The following ZNF397 variants were observed in gnomAD, a reference collection of about 807,000 sequenced individuals.
The protein encoded by ZNF397 is zinc finger protein 397.
ZNF397 carries 38 observed loss-of-function variants against 50.6 expected under a neutral mutation model. The observed-to-expected ratio is 0.75, with a 90% confidence interval of 0.58 to 0.98. ZNF397 has a LOEUF of 0.98. ZNF397 is among the 50% of genes least tolerant of loss of function. ZNF397 has a pLI of 0.00. For synonymous variants in ZNF397, 228 were observed against 215.2 expected, an observed-to-expected ratio of 1.06 and a Z score of -0.52; for missense variants, 624 against 624.1, an observed-to-expected ratio of 1.00 and a Z score of 0.00.
At chr18:35,243,050 C>T in intron 2 of ZNF397, 102 bp from the exon 3 acceptor site, 1 of 1,551,840 alleles carries the variant, frequency 6.4e-7, no homozygotes, top group South Asian at 1.2e-5. Context: ...TTCCCCTGTC[C>T]TTCATCCCTG....
chr18:35,258,231 GC>G, exon 6 of ZNF397: 1 of 493,796 alleles, frequency 2.0e-6, no homozygotes, highest in East Asian at 3.6e-5. Context: ...CCCAGTCAAG[GC>G]CATTCATGGC....
intron 3 of ZNF397, among the ~76,000 whole-genome samples, chr18:35,244,865 TGA>T (rs1912815213): frequency 6.6e-6 from 1 of 152,112 alleles, no homozygotes. Flanking sequence ...GAAATCACTA[TGA>T]GAGAGTGAGG....
downstream of ZNF397, chr18:35,253,317 A>G: frequency 1.6e-6 from 1 of 623,340 alleles, no homozygotes; most frequent in African/African-American, 1.8e-5. Flanking sequence ...CTTTGTGTGC[A>G]TGTCTTCTTA....
At chr18:35,243,758 C>T in intron 3 of ZNF397, 1 of 231,996 alleles carries the variant, frequency 4.3e-6, no homozygotes, top group South Asian at 7.6e-5. Flanking sequence ...AAGAGAAAGC[C>T]AGGTAAATAG....
At position 35,245,763 on chromosome 18, in the gene ZNF397, G is replaced by T. The variant is rs930186276; in HGVS notation, c.1058G>T (p.Ser353Ile). The part of the protein sequence containing the change: ...CSECGKAFNQ[S>I]SALIRHRKIH... ...GAATGTGGGAAAGCTTTCAATCAGA[G>T]CTCAGCCCTCATTAGACATCGGAAA... Residue 353 changes from serine (S) to isoleucine (I), a missense_variant, in exon 4 of 4, where the codon AGC becomes ATC. Transcript: ENST00000330501. The T allele has an allele frequency of 3.2e-6, 5 of 1,552,156 alleles. No individual in the cohort carries two copies. The highest frequency in any genetic ancestry group is 4.4e-6 in the Non-Finnish European group (5 of 1,147,180).
At chr18:35,256,667 G>C (rs1482839932) in intron 5 of ZNF397, among the ~76,000 whole-genome samples, 4 of 152,176 alleles carry the variant, frequency 2.6e-5, no homozygotes, top group Non-Finnish European at 4.4e-5. Context: ...TCAGGCTCAA[G>C]TCTGGAGGCT....
At chr18:35,257,585 C>T (rs1441870210) in intron 5 of ZNF397, 4 of 291,340 alleles carry the variant, frequency 1.4e-5, no homozygotes, top group Admixed American at 4.8e-5. Context: ...TTGAACTTCT[C>T]AGCCTCCAGA....
intron 1 of ZNF397, chr18:35,241,530 A>C (rs948751370): frequency 6.6e-6 from 1 of 152,252 alleles, no homozygotes; most frequent in Non-Finnish European, 1.5e-5. Flanking sequence ...TCCTAAAAGC[A>C]GGTCAAGTTT....
At position 35,246,256 on chromosome 18, in the gene ZNF397, T is replaced by G; in HGVS notation, c.1551T>G (p.Ala517=). ...EAYICNECGK[A]FRHRSVLMRH... ...ATATATGTAATGAATGTGGGAAGGC[T>G]TTCAGGCACAGATCGGTCCTTATGC... The change falls in exon 4 of 4, where the codon GCT becomes GCG. Residue 517 remains alanine (A), a synonymous_variant. Transcript: ENST00000330501. 1.9e-6 allele frequency: 3 copies of G among 1,552,182 alleles called. No individual in the cohort carries two copies. Among genetic ancestry groups the G allele is most frequent in the Non-Finnish European group, 2.6e-6 (3 of 1,147,090 alleles).
At chr18:35,245,115 G>C in intron 3 of ZNF397, 147 bp from the exon 4 acceptor site, 6 of 997,138 alleles carry the variant, frequency 6.0e-6, no homozygotes, top group Non-Finnish European at 5.6e-6. Context: ...TTAGATAAGA[G>C]AGACCCTCTT....
intron 3 of ZNF397, 196 bp downstream of exon 3, chr18:35,243,489 T>TATTC (rs1323643070): frequency 4.3e-6 from 3 of 690,942 alleles, no homozygotes; most frequent in South Asian, 3.6e-5. Context: ...GTTTCCCTGT[T>TATTC]ATTCATTCAT....
chr18:35,245,551 G>A lies in ZNF397; in HGVS notation c.846G>A (p.Glu282=). 6.4e-7 allele frequency: 1 copy of A among 1,552,522 alleles called. No individual in the cohort carries two copies. Among genetic ancestry groups the A allele is most frequent in the Non-Finnish European group, 8.7e-7 (1 of 1,147,240 alleles). The part of the protein sequence containing the change: ...SIMCQKVPPE[E]RPYRCDVCGH... ...TGTGTCAGAAAGTTCCTCCAGAAGA[G>A]AGACCTTATAGATGTGATGTATGTG... The change falls in exon 4 of 4, where the codon GAG becomes GAA. Residue 282 remains glutamate (E), a synonymous_variant. Coordinates refer to ENST00000330501, the MANE Select transcript of ZNF397 (RefSeq NM_001135178.3).
At chr18:35,251,237 C>T (rs1003377339), downstream of ZNF397, 1 of 152,118 alleles carries the variant, frequency 6.6e-6, no homozygotes, top group Non-Finnish European at 1.5e-5. Flanking sequence ...ATGTTAACAA[C>T]GTTTCTATGG....
chr18:35,253,780 A>G, downstream of ZNF397: 1 of 1,614,198 alleles, frequency 6.2e-7, no homozygotes, highest in Non-Finnish European at 8.5e-7. Context: ...CTCCACATTC[A>G]TAAGGCTTCT....
chr18:35,242,677 C>T lies in ZNF397; in HGVS notation c.207C>T (p.Ser69=). 1.2e-6 allele frequency: 2 copies of T among 1,614,212 alleles called. No individual in the cohort carries two copies. Among genetic ancestry groups the T allele is most frequent in the Non-Finnish European group, 8.5e-7 (1 of 1,180,042 alleles). ...QETPGPREAL[S]RLQELCYQWL... ...CACCTGGGCCCCGGGAGGCTCTGAG[C>T]CGACTCCAGGAACTTTGCTATCAGT... is the stretch of plus-strand genomic sequence containing the variant. The change falls in exon 2 of 4, where the codon AGC becomes AGT. Residue 69 remains serine, a synonymous_variant. Coordinates refer to ENST00000330501, the MANE Select transcript of ZNF397 (RefSeq NM_001135178.3).
At chr18:35,255,114 A>G (rs2043754827) in intron 5 of ZNF397, 1 of 151,706 alleles carries the variant, frequency 6.6e-6, no homozygotes, top group African/African-American at 2.4e-5. Context: ...AAAGAAGGGG[A>G]TGGAGACAAC....
chr18:35,241,127 C>T lies in ZNF397; in HGVS notation c.-81+18C>T, dbSNP rs903604358. 36 of 152,398 alleles carry T rather than the reference C, an allele frequency of 2.4e-4. No homozygotes were observed. Among genetic ancestry groups the T allele is most frequent in the African/African-American group, 8.2e-4 (34 of 41,562 alleles). 9.4% of individuals were successfully genotyped at this position (152,398 alleles called of 1,614,324 possible). On this transcript the variant is annotated intron_variant, in intron 1 of 3. Coordinates refer to ENST00000330501, the MANE Select transcript of ZNF397 (RefSeq NM_001135178.3). ...GCTTCGCGGTGAGGGACGTGGGCCC[C>T]TAGGAAGAGGGAGGTGGGGTTGGGA...
Position 35,242,822 on chromosome 18 carries a change from G to A in ZNF397, c.352G>A (p.Gly118Ser), listed in dbSNP as rs199693686. 106 of 1,613,966 alleles carry A rather than the reference G, an allele frequency of 6.6e-5. No homozygotes were observed. The highest frequency in any genetic ancestry group is 3.3e-4 in the Middle Eastern group (2 of 6,078). ...IWVQQHNPES[G>S]EEAVTLLEDL... ...GGTTCAGCAACATAATCCAGAAAGC[G>A]GCGAGGAAGCTGTGACCCTGTTGGA... Residue 118 changes from glycine (G) to serine (S), a missense_variant, in exon 2 of 4, where the codon GGC becomes AGC. Coordinates refer to ENST00000330501, the MANE Select transcript of ZNF397 (RefSeq NM_001135178.3).
intron 3 of ZNF397, 141 bp from the exon 4 acceptor site, chr18:35,245,121 C>G (rs1304400903): frequency 9.2e-7 from 1 of 1,083,784 alleles, no homozygotes; most frequent in African/African-American, 1.6e-5. Flanking sequence ...AAGAGAGACC[C>G]TCTTTTGGCC....
Sources: allele counts gnomAD v4.1 joint callset (sites outside exome capture counted in the v4.1 genomes callset), GRCh38; gene constraint gnomAD v4.1.1; transcripts MANE v1.5; gene names NCBI Gene and HGNC (gene_info 2026-07-23, HGNC 2026-07-21).